The following CNTN1 variants were observed in gnomAD, a reference collection of about 807,000 sequenced individuals.
CNTN1 encodes the protein contactin-1.
CNTN1 carries 38 observed loss-of-function variants against 126.4 expected under a neutral mutation model. The observed-to-expected ratio is 0.30, with a 90% CI of 0.23 to 0.39. The LOEUF (loss-of-function observed/expected upper bound fraction) is 0.39, where lower values mean the gene tolerates loss of function less well. Ranked by LOEUF, CNTN1 falls within the 10% of genes least tolerant of loss-of-function variation. The pLI, the probability that CNTN1 is intolerant of heterozygous loss-of-function variation, is 1.00. For missense variants in CNTN1, 1,009 were observed against 1,248.4 expected (o/e 0.81, Z 2.89); for synonymous variants, 413 against 422.6 (o/e 0.98, Z 0.28).
In CNTN1 at chr12:40,918,733, C is replaced by A; in HGVS notation, c.189C>A (p.Leu63=). 6.2e-7 allele frequency: 1 copy of A among 1,613,706 alleles called. No individual in the cohort carries two copies. Among genetic ancestry groups the A allele is most frequent in the Non-Finnish European group, 8.5e-7 (1 of 1,179,714 alleles). The part of the protein sequence containing the change: ...PEESLEGKVS[L]NCRARASPFP... The stretch of plus-strand genomic sequence containing the variant: ...AATCACTGGAAGGAAAAGTCTCACT[C>A]AACTGTAGGGCACGAGCCAGCCCTT... The change falls in exon 4 of 24, where the codon CTC becomes CTA. Residue 63 remains leucine (L), a synonymous_variant. Transcript: ENST00000551295.
chr12:40,950,097 GGTGTGTGTGTGTGTGTGTGTGTGTGTGT>G (rs59713493), intron 14 of CNTN1, among the ~76,000 whole-genome samples: 1 of 145,234 alleles, frequency 6.9e-6, no homozygotes, highest in Non-Finnish European at 1.5e-5. Flanking sequence ...GTGTTGAGAG[GGTGTGTGTGTGTGTGTGTGTGTGTGTGT>G]GTGTGTGTGT....
intron 1 of CNTN1, among the ~76,000 whole-genome samples, chr12:40,770,958 T>A (rs1939316129): frequency 6.6e-6 from 1 of 152,116 alleles, no homozygotes; most frequent in African/African-American, 2.4e-5. Flanking sequence ...CCCTTATTAG[T>A]GTTTCAATTT....
intron 15 of CNTN1, among the ~76,000 whole-genome samples, chr12:40,962,155 T>G (rs1272623355): frequency 3.9e-5 from 6 of 152,112 alleles, no homozygotes; most frequent in Admixed American, 6.6e-5. Flanking sequence ...TATAAATATT[T>G]AGACATAATT....
chr12:40,995,719 T>C (rs1401665222), intron 17 of CNTN1, among the ~76,000 whole-genome samples: 1 of 152,212 alleles, frequency 6.6e-6, no homozygotes, highest in Non-Finnish European at 1.5e-5. Flanking sequence ...CTTGTAGTGA[T>C]ATGAGATGAT....
chr12:40,927,025 A>G (rs1945716470), intron 6 of CNTN1, among the ~76,000 whole-genome samples: 1 of 152,028 alleles, frequency 6.6e-6, no homozygotes, highest in Non-Finnish European at 1.5e-5. Context: ...ATATGTGTGT[A>G]GATGTCGGGG....
Position 40,939,429 on chromosome 12 carries a change from A to G in CNTN1, c.1323A>G (p.Ala441=), listed in dbSNP as rs771836216. ...TAATTGAATGCAAACCTAAAGCTGC[A>G]CCGAAACCAAAGTTTTCATGGAGTA... ...RVIIECKPKA[A]PKPKFSWSKG... Residue 441 remains alanine (A), a synonymous_variant, in exon 12 of 24, where the codon GCA becomes GCG. Transcript: ENST00000551295. 15 of 1,613,854 alleles carry G rather than the reference A, an allele frequency of 9.3e-6. No homozygotes were observed. The highest frequency in any genetic ancestry group is 5.0e-5 in the Admixed American group (3 of 59,924).
intron 1 of CNTN1, among the ~76,000 whole-genome samples, chr12:40,852,379 G>C (rs1239723625): frequency 6.6e-6 from 1 of 152,108 alleles, no homozygotes; most frequent in Non-Finnish European, 1.5e-5. Flanking sequence ...GCAATGCTTG[G>C]TTTTAAACTT....
intron 14 of CNTN1, among the ~76,000 whole-genome samples, chr12:40,949,569 C>CTTTTTTTTTTTTTTTTT (rs36070275): frequency 5.1e-4 from 33 of 64,346 alleles, no homozygotes; most frequent in Non-Finnish European, 6.7e-4. Context: ...TCTTTTCTTT[C>CTTTTTTTTTTTTTTTTT]TTTTTTTTTT....
intron 9 of CNTN1, among the ~76,000 whole-genome samples, chr12:40,936,317 C>T (rs562775960): frequency 3.3e-4 from 50 of 151,976 alleles, no homozygotes; most frequent in South Asian, 1.2e-3. Flanking sequence ...GAGATGTTAC[C>T]GTGGCCACTA....
chr12:40,956,867 A>G (rs1244864354), intron 14 of CNTN1, among the ~76,000 whole-genome samples: 4 of 152,070 alleles, frequency 2.6e-5, no homozygotes, highest in Non-Finnish European at 2.9e-5. Context: ...ATAGAGTGGA[A>G]CAGTGGTGGA....
chr12:40,966,859 G>A (rs932865246), intron 15 of CNTN1, among the ~76,000 whole-genome samples: 1 of 152,024 alleles, frequency 6.6e-6, no homozygotes. Flanking sequence ...TATGTTATGC[G>A]CTAATATAAA....
intron 17 of CNTN1, among the ~76,000 whole-genome samples, chr12:41,013,173 TC>T (rs1331486147): frequency 2.6e-5 from 4 of 152,158 alleles, no homozygotes; most frequent in Non-Finnish European, 5.9e-5. Context: ...GGAAGGTTGG[TC>T]ACTGTACCCT....
At chr12:40,705,288 G>T (rs1941709357) in intron 1 of CNTN1, among the ~76,000 whole-genome samples, 1 of 152,134 alleles carries the variant, frequency 6.6e-6, no homozygotes, top group African/African-American at 2.4e-5. Context: ...CTTCCCAATT[G>T]CTTGCAGTTG....
intron 1 of CNTN1, among the ~76,000 whole-genome samples, chr12:40,844,626 C>T (rs7488448): frequency 0.42 from 64,495 of 151,918 alleles, 14,053 homozygotes; most frequent in East Asian, 0.7. Flanking sequence ...ATCTTAGAAA[C>T]GGAAGAAGTC....
intron 16 of CNTN1, among the ~76,000 whole-genome samples, chr12:40,982,664 T>G (rs1477792208): frequency 6.6e-6 from 1 of 152,104 alleles, no homozygotes; most frequent in Non-Finnish European, 1.5e-5. Flanking sequence ...CTATTCTAGA[T>G]GCAGTATGTA....
intron 1 of CNTN1, among the ~76,000 whole-genome samples, chr12:40,764,393 T>C (rs1938994540): frequency 6.6e-6 from 1 of 152,192 alleles, no homozygotes; most frequent in African/African-American, 2.4e-5. Context: ...GGAATAGTAC[T>C]GAAGGACATT....
At chr12:40,920,215 G>T (rs1945387214) in intron 4 of CNTN1, among the ~76,000 whole-genome samples, 1 of 152,220 alleles carries the variant, frequency 6.6e-6, no homozygotes, top group Admixed American at 6.5e-5. Context: ...CAGTCTCTAG[G>T]CTAGAACAGA....
intron 1 of CNTN1, among the ~76,000 whole-genome samples, chr12:40,904,755 G>A (rs1944750956): frequency 6.6e-6 from 1 of 152,128 alleles, no homozygotes; most frequent in African/African-American, 2.4e-5. Context: ...GGAAATTAAA[G>A]TTCATTTTGG....
At chr12:40,944,527 G>C (rs947965524) in intron 14 of CNTN1, among the ~76,000 whole-genome samples, 3 of 151,876 alleles carry the variant, frequency 2.0e-5, no homozygotes, top group Admixed American at 6.6e-5. Flanking sequence ...CTTAATCTTT[G>C]TTATAATGAT....
Sources: gnomAD v4.1 joint callset for allele counts (sites outside exome capture counted in the v4.1 genomes callset) on GRCh38, gnomAD v4.1.1 for gene constraint, MANE v1.5 for transcripts, NCBI Gene and HGNC (gene_info 2026-07-23, HGNC 2026-07-21) for gene names.